The following PLIN3 variants were observed in gnomAD, a reference collection of about 807,000 sequenced individuals.
PLIN3 encodes the protein perilipin-3.
Under a neutral mutation model 35.9 loss-of-function variants are expected in PLIN3, and 30 were observed. The observed-to-expected ratio is 0.84, with a 90% confidence interval of 0.62 to 1.13. The LOEUF (loss-of-function observed/expected upper bound fraction) is 1.13, where lower values mean the gene tolerates loss of function less well. Among genes scored for constraint, PLIN3 ranks in the 50% most tolerant of loss-of-function variants. PLIN3 has a pLI of 0.00. For missense variants in PLIN3, 603 were observed against 596.9 expected, an observed-to-expected ratio of 1.01 and a Z score of -0.11; for synonymous variants, 261 against 262.5, an observed-to-expected ratio of 0.99 and a Z score of 0.06.
chr19:4,856,115 G>A (rs948058338), intron 4 of PLIN3, among the ~76,000 whole-genome samples: 1 of 152,060 alleles, frequency 6.6e-6, no homozygotes, highest in South Asian at 2.1e-4. Flanking sequence ...GAAAGTCCAA[G>A]GATGCTGGGA....
At chr19:4,860,196 C>T (rs1051833676) in intron 2 of PLIN3, among the ~76,000 whole-genome samples, 172 bp from the exon 3 acceptor site, 3 of 152,136 alleles carry the variant, frequency 2.0e-5, no homozygotes, top group African/African-American at 4.8e-5. Context: ...GGTTTCGCCA[C>T]GTGCTTCCTT....
At chr19:4,842,657 C>A (rs2029933313) in intron 7 of PLIN3, among the ~76,000 whole-genome samples, 1 of 149,266 alleles carries the variant, frequency 6.7e-6, no homozygotes, top group Non-Finnish European at 1.5e-5. Context: ...TTGCCCAGAG[C>A]CCTGGCAGCT....
Position 4,859,867 on chromosome 19 carries a change from A to C in PLIN3, c.224T>G (p.Val75Gly). The change falls in exon 3 of 8, where the codon GTC becomes GGC. Residue 75 changes from valine (V) to glycine (G), a missense_variant. Transcript: ENST00000221957. ...GGAGAGGATCGGCTGAGCCCCGCTG[A>C]CAGCAGCCGCCGTGAGGGTCCTCAC... The part of the protein sequence containing the change: ...KGVRTLTAAA[V>G]SGAQPILSKL... 6.2e-7 allele frequency: 1 copy of C among 1,613,192 alleles called. No homozygotes were observed. Among genetic ancestry groups the C allele is most frequent in the African/African-American group, 1.3e-5 (1 of 75,026 alleles).
chr19:4,852,559 C>T (rs1178692490), intron 4 of PLIN3, among the ~76,000 whole-genome samples: 2 of 152,200 alleles, frequency 1.3e-5, no homozygotes, highest in Admixed American at 6.5e-5. Flanking sequence ...AGCCAGACTA[C>T]CTAGGCTCCG....
rs113515880 is a variant in PLIN3 at position 4,850,543 on chromosome 19, C to G, written c.634+1473G>C. ...TCATGCCATTCTCCTGCCTCAGTCT[C>G]CCGAGTAGCTGGGACTACAGGCACC... On this transcript the variant is annotated intron_variant, in intron 5 of 7. Coordinates refer to ENST00000221957, the MANE Select transcript of PLIN3 (RefSeq NM_005817.5). Among the ~76,000 whole-genome samples, 440 of 151,606 alleles carry G rather than the reference C, an allele frequency of 2.9e-3. 1 individual carries two copies. The highest frequency in any genetic ancestry group is 5.0e-3 in the Non-Finnish European group (340 of 67,924).
At chr19:4,843,520 AAT>A (rs1236335756) in intron 7 of PLIN3, among the ~76,000 whole-genome samples, 1 of 150,748 alleles carries the variant, frequency 6.6e-6, no homozygotes, top group Non-Finnish European at 1.5e-5. Context: ...AAAATAAATA[AAT>A]AAATAAATAA....
intron 1 of PLIN3, among the ~76,000 whole-genome samples, chr19:4,863,663 A>G (rs2030748759): frequency 6.7e-6 from 1 of 148,482 alleles, no homozygotes. Flanking sequence ...TACTAAAAAT[A>G]CAAAAATTAG....
In PLIN3 at chr19:4,847,193, T is replaced by A. The variant is rs1328864507; in HGVS notation, c.834+498A>T. Among the ~76,000 whole-genome samples, 3 of 3,098 alleles carry A rather than the reference T, an allele frequency of 9.7e-4. No homozygotes were observed. In the East Asian group the frequency reaches 0.058, roughly 60 times the overall value. 2.0% of individuals were successfully genotyped at this position (3,098 alleles called of 152,430 possible). ...ATGAGCCACCGCACCTGGCCACGAT[T>A]TTTTTTTTTTTTTTGAGATGGGGTC... On this transcript the variant is annotated intron_variant, in intron 6 of 7. Transcript: ENST00000221957.
At chr19:4,857,335 T>G (rs1289426750) in intron 4 of PLIN3, among the ~76,000 whole-genome samples, 1 of 151,940 alleles carries the variant, frequency 6.6e-6, no homozygotes, top group East Asian at 1.9e-4. Flanking sequence ...CTCAGGAGGC[T>G]GAGGCAGGAG....
chr19:4,852,378 G>A (rs1317118777), intron 4 of PLIN3, 77 bp from the exon 5 acceptor site: 3 of 1,519,718 alleles, frequency 2.0e-6, no homozygotes, highest in African/African-American at 2.7e-5. Flanking sequence ...CCAACTTCCA[G>A]GGAGACCGAG....
At chr19:4,860,439 G>A (rs1011968978) in intron 2 of PLIN3, among the ~76,000 whole-genome samples, 2 of 151,754 alleles carry the variant, frequency 1.3e-5, no homozygotes, top group African/African-American at 2.4e-5. Flanking sequence ...TCCTGACCTC[G>A]TGATTCGCCC....
intron 1 of PLIN3, among the ~76,000 whole-genome samples, chr19:4,864,630 T>G (rs1275072905): frequency 6.6e-6 from 1 of 152,048 alleles, no homozygotes; most frequent in Non-Finnish European, 1.5e-5. Flanking sequence ...ATTTAGGCTT[T>G]TTTTAAAAAG....
rs765072412 is a variant in PLIN3, at chr19:4,861,339, G to T, written c.56C>A (p.Pro19Gln). Residue 19 changes from proline to glutamine, a missense_variant, in exon 2 of 8, where the codon CCG (proline) becomes CAG (glutamine). By Grantham distance (76) the Pro-to-Gln change is moderately conservative. Transcript: ENST00000221957. ...DGSTQVTVEEPVQQPSVVDRV... is the reference protein window; with the variant it reads ...DGSTQVTVEEQVQQPSVVDRV... The stretch of plus-strand genomic sequence containing the variant: ...CCGGCCCTTCCTCACCTGCTGTACC[G>T]GTTCTTCCACTGTCACCTGGGTGCT... The T allele has an allele frequency of 2.5e-6, 4 of 1,612,804 alleles. No homozygotes were observed. The highest frequency in any genetic ancestry group is 3.4e-6 in the Non-Finnish European group (4 of 1,179,512).
At position 4,859,237 on chromosome 19, in the gene PLIN3, G is replaced by T. The variant is rs112948003; in HGVS notation, c.348+353C>A. ...CAATAAAACTTTATTATAAAAACAA[G>T]TGGGCTGGGCACCGTGGCTCATTCC... On this transcript the variant is annotated intron_variant, in intron 4 of 7. Transcript: ENST00000221957. Among the ~76,000 whole-genome samples, 739 of 152,230 alleles carry T rather than the reference G, an allele frequency of 4.9e-3. 5 individuals are homozygous for T. Among genetic ancestry groups the T allele is most frequent in the African/African-American group, 0.017 (705 of 41,542 alleles).
In PLIN3 at chr19:4,861,385, C is replaced by G. The variant is rs138047940; in HGVS notation, c.10G>C (p.Asp4His). MSADGAEADGSTQV... is the reference protein window; with the variant it reads MSAHGAEADGSTQV... The stretch of plus-strand genomic sequence containing the variant: ...GTGCTGCCATCAGCCTCTGCCCCGT[C>G]GGCAGACATGGTCTCTGCAGCAGAC... Residue 4 changes from aspartate (D) to histidine (H), a missense_variant, in exon 2 of 8, where the codon GAC becomes CAC. Physicochemically the swap from Asp to His is moderately conservative, Grantham distance 81 (BLOSUM62 -1). Coordinates refer to ENST00000221957, the MANE Select transcript of PLIN3 (RefSeq NM_005817.5). The G allele has an allele frequency of 9.9e-6, 16 of 1,612,792 alleles. No homozygotes were observed. Among genetic ancestry groups the G allele is most frequent in the Non-Finnish European group, 1.3e-5 (15 of 1,179,808 alleles).
In PLIN3 at chr19:4,839,435, A is replaced by G. The variant is rs138759755; in HGVS notation, c.1062T>C (p.Asn354=). ...LGSSIQGLPT[N]VKDQVQQARR... ...GGGCCTGCTGCACCTGGTCCTTCAC[A>G]TTGGTGGGGAGGCCCTGAATGCTGG... Residue 354 remains asparagine, a synonymous_variant, in exon 8 of 8, where the codon AAT becomes AAC. Coordinates refer to ENST00000221957, the MANE Select transcript of PLIN3 (RefSeq NM_005817.5). The G allele has an allele frequency of 5.2e-5, 83 of 1,601,276 alleles. No homozygotes were observed. Among genetic ancestry groups the G allele is most frequent in the Non-Finnish European group, 3.4e-6 (4 of 1,170,906 alleles).
chr19:4,842,889 C>T (rs975016728), intron 7 of PLIN3, among the ~76,000 whole-genome samples: 4 of 152,202 alleles, frequency 2.6e-5, no homozygotes, highest in Admixed American at 2.0e-4. Flanking sequence ...GTAGCCCTTA[C>T]TATGTGCTTT....
chr19:4,852,442 G>T, intron 4 of PLIN3, 141 bp from the exon 5 acceptor site: 1 of 1,000,366 alleles, frequency 1.0e-6, no homozygotes. Context: ...CCCTCTGTAT[G>T]TGGGCACCCC....
chr19:4,866,642 A>T (rs1467057853), intron 1 of PLIN3: 1 of 152,216 alleles, frequency 6.6e-6, no homozygotes, highest in Non-Finnish European at 1.5e-5. Flanking sequence ...CCTCCCAGTG[A>T]TCATTGCCTA....
Sources: gnomAD v4.1 joint callset for allele counts (sites outside exome capture counted in the v4.1 genomes callset) on GRCh38, gnomAD v4.1.1 for gene constraint, MANE v1.5 for transcripts, NCBI Gene and HGNC (gene_info 2026-07-23, HGNC 2026-07-21) for gene names.